Variants in KIAA1549L observed in about 807,000 individuals in gnomAD.
KIAA1549L encodes KIAA1549 like, also known as UPF0606 protein KIAA1549L.
Under a neutral mutation model 160.7 loss-of-function variants are expected in KIAA1549L, and 88 were observed. The observed-to-expected ratio is 0.55, with a 90% confidence interval of 0.46 to 0.65. The LOEUF is 0.65. Among genes scored for constraint, KIAA1549L ranks in the 30% least tolerant of loss-of-function variants. The pLI is 0.00. For missense variants in KIAA1549L, 2,258 were observed against 2,437.5 expected (o/e 0.93, Z 1.55); for synonymous variants, 950 against 976.7 (o/e 0.97, Z 0.51).
At chr11:33,524,853 A>G (rs567908872) in intron 1 of KIAA1549L, among the ~76,000 whole-genome samples, 1 of 152,356 alleles carries the variant, frequency 6.6e-6, no homozygotes, top group South Asian at 2.1e-4. Context: ...TTGTAAAAAT[A>G]AGCAGACTGG....
chr11:33,501,362 A>C (rs1040167610), intron 1 of KIAA1549L, among the ~76,000 whole-genome samples: 4 of 152,234 alleles, frequency 2.6e-5, no homozygotes, highest in Non-Finnish European at 5.9e-5. Context: ...AGATTTAGAT[A>C]ACATATCTCT....
intron 9 of KIAA1549L, among the ~76,000 whole-genome samples, chr11:33,570,651 T>G (rs1855223247): frequency 6.6e-6 from 1 of 152,158 alleles, no homozygotes; most frequent in African/African-American, 2.4e-5. Context: ...CTTCTAGGCT[T>G]AGATCATTTT....
intron 16 of KIAA1549L, among the ~76,000 whole-genome samples, chr11:33,633,259 A>G (rs2133380048): frequency 6.8e-6 from 1 of 147,574 alleles, no homozygotes; most frequent in South Asian, 2.1e-4. Flanking sequence ...TCTTTCTCCC[A>G]AAGTCCTGGG....
intron 13 of KIAA1549L, among the ~76,000 whole-genome samples, chr11:33,600,714 A>T (rs1850335583): frequency 6.6e-6 from 1 of 152,140 alleles, no homozygotes; most frequent in Admixed American, 6.5e-5. Context: ...TTTACTATGC[A>T]TATGGCAATA....
chr11:33,579,022 G>A (rs939134230), intron 10 of KIAA1549L, among the ~76,000 whole-genome samples: 4 of 152,188 alleles, frequency 2.6e-5, no homozygotes, highest in Non-Finnish European at 4.4e-5. Flanking sequence ...GAGGCATGTG[G>A]TTAGGAGACA....
intron 1 of KIAA1549L, among the ~76,000 whole-genome samples, chr11:33,451,211 C>A (rs1471404673): frequency 6.6e-6 from 1 of 152,198 alleles, no homozygotes; most frequent in Non-Finnish European, 1.5e-5. Context: ...TAAGGACCTA[C>A]TATGTGCAAC....
chr11:33,502,251 G>A (rs532454923), intron 1 of KIAA1549L, among the ~76,000 whole-genome samples: 1 of 152,302 alleles, frequency 6.6e-6, no homozygotes, highest in South Asian at 2.1e-4. Flanking sequence ...TCACTCATGA[G>A]AAGTCAGCTT....
In KIAA1549L at chr11:33,568,276, G is replaced by A. The variant is rs78069480; in HGVS notation, c.4230+49G>A. ...GGTTTTCTAATAACTGGGGGTAGAG[G>A]GGGGGATGTGCTTCCTGAGACTAAA... On this transcript the variant is annotated intron_variant, in intron 9 of 20. Coordinates refer to ENST00000658780, the MANE Select transcript of KIAA1549L (RefSeq NM_012194.3). The A allele has an allele frequency of 2.8e-5, 43 of 1,543,354 alleles. No homozygotes were observed. In the African/African-American group the frequency reaches 3.0e-4, roughly 11 times the overall value.
At chr11:33,464,322 C>T (rs1329377930) in intron 1 of KIAA1549L, among the ~76,000 whole-genome samples, 2 of 152,184 alleles carry the variant, frequency 1.3e-5, no homozygotes, top group Admixed American at 6.5e-5. Flanking sequence ...ACCCTTGTCC[C>T]TTGGTTGCTC....
At chr11:33,402,992 C>A (rs140958916) in intron 1 of KIAA1549L, among the ~76,000 whole-genome samples, 53 of 152,210 alleles carry the variant, frequency 3.5e-4, no homozygotes, top group Middle Eastern at 6.8e-3. Flanking sequence ...CATACTCCCC[C>A]CTGGTTAAAG....
At chr11:33,498,497 T>C (rs1417388673) in intron 1 of KIAA1549L, among the ~76,000 whole-genome samples, 1 of 152,182 alleles carries the variant, frequency 6.6e-6, no homozygotes, top group African/African-American at 2.4e-5. Context: ...GAGGACCAAC[T>C]TGGATAGCTA....
intron 11 of KIAA1549L, among the ~76,000 whole-genome samples, chr11:33,585,820 G>A (rs550903650): frequency 5.9e-5 from 9 of 152,280 alleles, no homozygotes; most frequent in East Asian, 1.9e-4. Flanking sequence ...CTCCTTCTGC[G>A]TCCTACTCTG....
At position 33,551,047 on chromosome 11, in the gene KIAA1549L, T is replaced by C; in HGVS notation, c.3509T>C (p.Ile1170Thr). The C allele has an allele frequency of 1.9e-6, 3 of 1,613,788 alleles. No homozygotes were observed. In the South Asian group the frequency reaches 3.3e-5, roughly 18 times the overall value. Reference protein sequence around the residue: ...HQNDVSAHVDILEYSHNVTVG... With the variant: ...HQNDVSAHVDTLEYSHNVTVG... ...GGTCCATTTGTTTTGTAGGTGGACATTCTGGAATATTCTCATAATGTCACA... is the reference window on the plus strand; with the variant it reads ...GGTCCATTTGTTTTGTAGGTGGACACTCTGGAATATTCTCATAATGTCACA... Residue 1170 changes from isoleucine to threonine, a missense_variant, in exon 5 of 21, where the codon ATT (isoleucine) becomes ACT (threonine). Around this residue, in one of 6 missense-constraint regions of KIAA1549L, gnomAD observed 1,359 missense variants for 1,546.6 expected, o/e 0.88. Transcript: ENST00000658780.
intron 1 of KIAA1549L, among the ~76,000 whole-genome samples, chr11:33,489,340 G>C (rs546031122): frequency 6.6e-6 from 1 of 152,148 alleles, no homozygotes; most frequent in East Asian, 1.9e-4. Flanking sequence ...GGGAGAGAGA[G>C]GGAAAGATAT....
At chr11:33,636,028 A>G (rs1434290065) in intron 16 of KIAA1549L, among the ~76,000 whole-genome samples, 1 of 152,184 alleles carries the variant, frequency 6.6e-6, no homozygotes, top group Non-Finnish European at 1.5e-5. Context: ...ATCCCACTCC[A>G]TCCCACCCAG....
Position 33,523,661 on chromosome 11 carries a change from G to A in KIAA1549L, c.239-18141G>A, listed in dbSNP as rs537161748. ...GAAAACACTGAGTCCTGAGTTTGGC[G>A]TAGGATCTTACTACTGGGTCCTTAA... On this transcript the variant is annotated intron_variant, in intron 1 of 20. Coordinates refer to ENST00000658780, the MANE Select transcript of KIAA1549L (RefSeq NM_012194.3). Among the ~76,000 whole-genome samples the A allele has an allele frequency of 6.6e-5, 10 of 152,276 alleles. No individual in the cohort carries two copies. The East Asian group carries it at 9.6e-4, about 15-fold the overall frequency.
At chr11:33,453,179 G>A (rs770968476) in intron 1 of KIAA1549L, among the ~76,000 whole-genome samples, 5 of 152,192 alleles carry the variant, frequency 3.3e-5, no homozygotes, top group Non-Finnish European at 7.4e-5. Context: ...ACAAGACACT[G>A]AGAGTGTCAG....
At chr11:33,564,969 G>T (rs1854998768) in intron 8 of KIAA1549L, among the ~76,000 whole-genome samples, 1 of 152,198 alleles carries the variant, frequency 6.6e-6, no homozygotes, top group Non-Finnish European at 1.5e-5. Context: ...CGATGTGAAG[G>T]TCATTGAATC....
chr11:33,507,886 A>G (rs1045875130), intron 1 of KIAA1549L, among the ~76,000 whole-genome samples: 2 of 152,212 alleles, frequency 1.3e-5, no homozygotes, highest in Non-Finnish European at 2.9e-5. Flanking sequence ...GGGATTTATT[A>G]TACGTGTTAG....
Sources: gnomAD v4.1 joint callset for allele counts (sites outside exome capture counted in the v4.1 genomes callset) on GRCh38, gnomAD v4.1.1 for gene constraint, gnomAD v4.1.1 regional missense constraint, MANE v1.5 for transcripts, NCBI Gene and HGNC (gene_info 2026-07-23, HGNC 2026-07-21) for gene names.